GPR37: variants seen among roughly 807,000 people sequenced by gnomAD.
GPR37 encodes the protein prosaposin receptor GPR37.
GPR37 carries 20 observed loss-of-function variants against 43.6 expected under a neutral mutation model. The observed-to-expected ratio is 0.46, with a 90% CI of 0.32 to 0.67. The LOEUF is 0.67. Ranked by LOEUF, GPR37 falls within the 30% of genes least tolerant of loss-of-function variation. The pLI is 0.03. For synonymous variants in GPR37, 315 were observed against 322.6 expected (o/e 0.98, Z 0.25); for missense variants, 724 against 797.2 (o/e 0.91, Z 1.11).
intron 1 of GPR37, among the ~76,000 whole-genome samples, chr7:124,759,260 T>A (rs1793826255): frequency 5.3e-5 from 8 of 151,984 alleles, no homozygotes; most frequent in Admixed American, 5.2e-4. Flanking sequence ...AAAGATGGAG[T>A]TTCGCCCTGT....
Position 124,764,407 on chromosome 7 carries a change from C to T in GPR37, c.570G>A (p.Gln190=). The change falls in exon 1 of 2, where the codon CAG becomes CAA. Residue 190 remains glutamine (Q), a synonymous_variant. Transcript: ENST00000303921. The surrounding 1 kb of genome is among the most constrained non-coding windows in gnomAD (Gnocchi z 5.4). ...FYWPRRAGKL[Q]GSHHKPLSKT... ...TGGACAGGGGCTTGTGGTGGGAACC[C>T]TGGAGTTTCCCGGCTCTCCTTGGCC... 1 of 1,613,618 alleles carries T rather than the reference C, an allele frequency of 6.2e-7. No individual in the cohort carries two copies. The highest frequency in any genetic ancestry group is 8.5e-7 in the Non-Finnish European group (1 of 1,180,038).
chr7:124,748,101 G>A (rs762222744), intron 1 of GPR37, among the ~76,000 whole-genome samples: 23 of 152,096 alleles, frequency 1.5e-4, no homozygotes, highest in Non-Finnish European at 2.8e-4. Flanking sequence ...ACAGAGACAG[G>A]AAACAGAGCT....
intron 1 of GPR37, among the ~76,000 whole-genome samples, chr7:124,750,062 A>G (rs1372010379): frequency 6.6e-6 from 1 of 152,180 alleles, no homozygotes; most frequent in Non-Finnish European, 1.5e-5. Context: ...TCTTATGATC[A>G]TGTTTTAAAA....
At chr7:124,753,778 T>C (rs1221809346) in intron 1 of GPR37, among the ~76,000 whole-genome samples, 1 of 152,110 alleles carries the variant, frequency 6.6e-6, no homozygotes, top group African/African-American at 2.4e-5. Flanking sequence ...GAAACCCAAC[T>C]TGGTAGTTAT....
intron 1 of GPR37, among the ~76,000 whole-genome samples, chr7:124,755,405 C>T (rs574555475): frequency 1.3e-5 from 2 of 152,256 alleles, no homozygotes; most frequent in East Asian, 1.9e-4. Context: ...CTTGATACCA[C>T]GCTTTCCTTA....
intron 1 of GPR37, 149 bp downstream of exon 1, chr7:124,763,805 C>T: frequency 5.6e-6 from 4 of 720,516 alleles, no homozygotes; most frequent in Non-Finnish European, 9.4e-6. Context: ...TACATACATG[C>T]ATAAATGATT....
chr7:124,763,223 C>T (rs1247419139), intron 1 of GPR37, among the ~76,000 whole-genome samples: 1 of 152,102 alleles, frequency 6.6e-6, no homozygotes, highest in Non-Finnish European at 1.5e-5. Context: ...AAATGTATAA[C>T]TTTGAGAATG....
chr7:124,762,228 CAA>C (rs937618124), intron 1 of GPR37, among the ~76,000 whole-genome samples: 2 of 151,954 alleles, frequency 1.3e-5, no homozygotes, highest in African/African-American at 4.8e-5. Context: ...TTAAATTAAC[CAA>C]AGTTTTTATA....
chr7:124,764,859 G>T lies in GPR37; in HGVS notation c.118C>A (p.Leu40Met), dbSNP rs1364399326. 1 of 1,612,662 alleles carries T rather than the reference G, an allele frequency of 6.2e-7. No homozygotes were observed. Among genetic ancestry groups the T allele is most frequent in the Non-Finnish European group, 8.5e-7 (1 of 1,179,528 alleles). The stretch of plus-strand genomic sequence containing the variant: ...ACTGTAGGTGCACAGCTCTCCCCCA[G>T]ACAAGTTTCGTTTCTGGACGCAGGG... ...VAPASRNETC[L>M]GESCAPTVIQ... The change falls in exon 1 of 2, where the codon CTG (leucine) becomes ATG (methionine). Residue 40 changes from leucine (L) to methionine (M), a missense_variant. Leu to Met is a conservative substitution (Grantham distance 15). Coordinates refer to ENST00000303921, the MANE Select transcript of GPR37 (RefSeq NM_005302.5). This position sits in a 1 kb window ranked among gnomAD's most constrained non-coding sequence, Gnocchi z 5.4.
Position 124,765,135 on chromosome 7 carries a change from G to T in GPR37, c.-159C>A. 1 of 613,374 alleles carries T rather than the reference G, an allele frequency of 1.6e-6. No individual in the cohort carries two copies. The highest frequency in any genetic ancestry group is 2.7e-6 in the Non-Finnish European group (1 of 377,142). 38.0% of individuals were successfully genotyped at this position (613,374 alleles called of 1,614,324 possible). On this transcript the variant is annotated 5_prime_UTR_variant, in exon 1 of 2. Coordinates refer to ENST00000303921, the MANE Select transcript of GPR37 (RefSeq NM_005302.5). ...AGGGTGATAGCGGAAGATCGGTCTT[G>T]GGGGTCACACACACGCCCCCTATAA... is the stretch of plus-strand genomic sequence containing the variant.
In GPR37 at chr7:124,746,540, G is replaced by T. The variant is rs375487445; in HGVS notation, c.1827C>A (p.Val609=). The T allele has an allele frequency of 2.5e-6, 4 of 1,603,792 alleles. No individual in the cohort carries two copies. The highest frequency in any genetic ancestry group is 3.4e-6 in the Non-Finnish European group (4 of 1,174,334). ...GTACTGTCCTTCAGCAATGAGTTCCGACAGAAGCAAAAGTGGACATTTCAC... is the reference window on the plus strand; with the variant it reads ...GTACTGTCCTTCAGCAATGAGTTCCTACAGAAGCAAAAGTGGACATTTCAC... ...IRREMSTFAS[V]GTHC The change falls in exon 2 of 2, where the codon GTC becomes GTA. Residue 609 remains valine, a synonymous_variant. Transcript: ENST00000303921.
chr7:124,764,211 G>C lies in GPR37; in HGVS notation c.766C>G (p.Gln256Glu). The change falls in exon 1 of 2, where the codon CAG (glutamine) becomes GAG (glutamate). Residue 256 changes from glutamine (Q) to glutamate (E), a missense_variant. Around this residue, in one of 2 missense-constraint regions of GPR37, gnomAD observed 382 missense variants for 355.4 expected, o/e 1.07. Coordinates refer to ENST00000303921, the MANE Select transcript of GPR37 (RefSeq NM_005302.5). The surrounding 1 kb of genome is among the most constrained non-coding windows in gnomAD (Gnocchi z 5.4). Reference protein sequence around the residue: ...RLKNPFYPLTQESYGAYAVMC... With the variant: ...RLKNPFYPLTEESYGAYAVMC... The stretch of plus-strand genomic sequence containing the variant: ...ACCGCGTAGGCTCCATAGGACTCCT[G>C]GGTCAGCGGGTAGAAGGGGTTCTTC... 6.3e-7 allele frequency: 1 copy of C among 1,593,462 alleles called. No homozygotes were observed. The highest frequency in any genetic ancestry group is 8.5e-7 in the Non-Finnish European group (1 of 1,169,720).
intron 1 of GPR37, among the ~76,000 whole-genome samples, chr7:124,759,414 G>A (rs550066119): frequency 2.4e-4 from 36 of 152,164 alleles, no homozygotes; most frequent in African/African-American, 8.2e-4. Flanking sequence ...GTGAATGGTA[G>A]GTATGGTAGA....
chr7:124,760,079 TTAAC>T (rs1467420725), intron 1 of GPR37, among the ~76,000 whole-genome samples: 2 of 151,832 alleles, frequency 1.3e-5, no homozygotes, highest in Admixed American at 6.6e-5. Flanking sequence ...AAATTTAAAA[TTAAC>T]TACGAAAAAA....
In GPR37 at chr7:124,745,961, G is replaced by GTT. The variant is rs1793665645; in HGVS notation, c.*563_*564insAA. ...TTAAAAGAAAATACGTTATAAAACA[G>GTT]TAAGGCCGGTTTTAAATTGTGCATA... On this transcript the variant is annotated 3_prime_UTR_variant, in exon 2 of 2. Coordinates refer to ENST00000303921, the MANE Select transcript of GPR37 (RefSeq NM_005302.5). 6.6e-6 allele frequency: 1 copy of GTT among 152,088 alleles called. No individual in the cohort carries two copies. Among genetic ancestry groups the GTT allele is most frequent in the Non-Finnish European group, 1.5e-5 (1 of 67,990 alleles). 9.4% of individuals were successfully genotyped at this position (152,088 alleles called of 1,614,324 possible).
rs146952164 is a variant in GPR37 at position 124,745,506 on chromosome 7, T to G, written c.*1019A>C. On this transcript the variant is annotated 3_prime_UTR_variant, in exon 2 of 2. Coordinates refer to ENST00000303921, the MANE Select transcript of GPR37 (RefSeq NM_005302.5). Reference sequence around the variant, plus strand: ...GTTCTAATAAAAATATATAAATATTTTATTATTCCACTCCTATACTTTCAT... The same window carrying G: ...GTTCTAATAAAAATATATAAATATTGTATTATTCCACTCCTATACTTTCAT... Among the ~76,000 whole-genome samples the G allele has an allele frequency of 6.6e-6, 1 of 152,248 alleles. No individual in the cohort carries two copies. Among genetic ancestry groups the G allele is most frequent in the African/African-American group, 2.4e-5 (1 of 41,560 alleles).
chr7:124,754,483 T>C, intron 1 of GPR37, among the ~76,000 whole-genome samples: 1 of 150,502 alleles, frequency 6.6e-6, no homozygotes, highest in Non-Finnish European at 1.5e-5. Flanking sequence ...AAATCAGTGA[T>C]AACACCGATG....
intron 1 of GPR37, among the ~76,000 whole-genome samples, chr7:124,756,091 T>C (rs1387450776): frequency 6.6e-6 from 1 of 152,200 alleles, no homozygotes; most frequent in African/African-American, 2.4e-5. Flanking sequence ...TCAATCTTCT[T>C]ATAAAAGGCA....
chr7:124,763,702 A>C (rs1221156896), intron 1 of GPR37, among the ~76,000 whole-genome samples: 1 of 152,208 alleles, frequency 6.6e-6, no homozygotes, highest in Non-Finnish European at 1.5e-5. Flanking sequence ...TTATACTCCA[A>C]ACAATTCTGT....
Sources: allele counts gnomAD v4.1 joint callset (sites outside exome capture counted in the v4.1 genomes callset), GRCh38; gene constraint gnomAD v4.1.1; regional missense constraint gnomAD v4.1.1; non-coding constraint Gnocchi (gnomAD v3.1); transcripts MANE v1.5; gene names NCBI Gene and HGNC (gene_info 2026-07-23, HGNC 2026-07-21).